Variants in TVP23A observed in about 807,000 individuals in gnomAD.
TVP23A encodes the protein trans-golgi network vesicle protein 23 homolog A.
Under a neutral mutation model 31.7 loss-of-function variants are expected in TVP23A, and 21 were observed. The ratio of observed to expected loss-of-function variants is 0.66; its 90% CI spans 0.47 to 0.95. TVP23A has a LOEUF of 0.95. TVP23A is among the 40% of genes least tolerant of loss of function. The probability of loss-of-function intolerance (pLI) is 0.00; values close to 1 mark genes in which losing one functional copy is unlikely to be tolerated. For missense variants in TVP23A, 279 were observed against 255.6 expected (o/e 1.09, Z -0.62); for synonymous variants, 104 against 96.0 (o/e 1.08, Z -0.49).
chr16:10,760,696 C>T (rs150125983), downstream of TVP23A, among the ~76,000 whole-genome samples: 22 of 152,258 alleles, frequency 1.4e-4, 1 homozygote, highest in East Asian at 4.2e-3. Flanking sequence ...ATGATTATGC[C>T]ACTGCACTCC....
At chr16:10,763,188 G>A (rs560110161), downstream of TVP23A, among the ~76,000 whole-genome samples, 1 of 152,242 alleles carries the variant, frequency 6.6e-6, no homozygotes, top group East Asian at 1.9e-4. Flanking sequence ...GGGCTCGGGG[G>A]CTCAGGTTGT....
intron 2 of TVP23A, among the ~76,000 whole-genome samples, chr16:10,792,711 T>C (rs1191065688): frequency 1.3e-5 from 2 of 152,262 alleles, no homozygotes; most frequent in Non-Finnish European, 2.9e-5. Flanking sequence ...GATCTGATTT[T>C]TCTTTTCCAG....
rs1199426867 is a variant in TVP23A at position 10,777,799 on chromosome 16, C to G, written c.90-2703G>C. On this transcript the variant is annotated intron_variant, in intron 2 of 7. Coordinates refer to ENST00000299866, the MANE Select transcript of TVP23A (RefSeq NM_001079512.4). The surrounding 1 kb of genome is among the most constrained non-coding windows in gnomAD (Gnocchi z 4.5). ...GGCTGAGGCAGGTGGATCACGAGGT[C>G]AAGAGACTGAGACCATCCCTGGCCA... 6.6e-6 allele frequency among the ~76,000 whole-genome samples: 1 copy of G among 151,656 alleles called. No individual in the cohort carries two copies. Among genetic ancestry groups the G allele is most frequent in the Non-Finnish European group, 1.5e-5 (1 of 67,934 alleles).
rs1042419733 is a variant in TVP23A at position 10,818,385 on chromosome 16, G to T, written c.9+100C>A. On this transcript the variant is annotated intron_variant, in intron 1 of 7. Transcript: ENST00000299866. This position sits in a 1 kb window ranked among gnomAD's most constrained non-coding sequence, Gnocchi z 4.7. The stretch of plus-strand genomic sequence containing the variant: ...ACCACCGGGTGCAGCCCAGCCCCAG[G>T]CCCCGGCGCATCCCTCCTCCTCCTC... 3 of 1,516,228 alleles carry T rather than the reference G, an allele frequency of 2.0e-6. No homozygotes were observed. Among genetic ancestry groups the T allele is most frequent in the Admixed American group, 1.9e-5 (1 of 52,346 alleles). The allele number at this position is 1,516,228 out of a possible 1,614,324, so 93.9% of individuals were successfully genotyped here. A position where few individuals can be genotyped will look rare whatever the true frequency, so the allele number is the denominator to read the frequency against.
At position 10,777,754 on chromosome 16, in the gene TVP23A, G is replaced by A. The variant is rs1346274777; in HGVS notation, c.90-2658C>T. Among the ~76,000 whole-genome samples the A allele has an allele frequency of 1.9e-4, 29 of 152,314 alleles. No individual in the cohort carries two copies. The South Asian group carries it at 5.2e-3, about 27-fold the overall frequency. On this transcript the variant is annotated intron_variant, in intron 2 of 7. Coordinates refer to ENST00000299866, the MANE Select transcript of TVP23A (RefSeq NM_001079512.4). The surrounding 1 kb of genome is among the most constrained non-coding windows in gnomAD (Gnocchi z 4.5). ...AAGCCGGGCGTGGTGGCTCACGCCTGTAATCCCAGCACTTTGGGAGGCTGA... is the reference window on the plus strand; with the variant it reads ...AAGCCGGGCGTGGTGGCTCACGCCTATAATCCCAGCACTTTGGGAGGCTGA...
Position 10,774,959 on chromosome 16 carries a change from G to T in TVP23A, c.227C>A (p.Ser76Tyr). 1 of 1,612,790 alleles carries T rather than the reference G, an allele frequency of 6.2e-7. No individual in the cohort carries two copies. Residue 76 changes from serine to tyrosine, a missense_variant, in exon 3 of 8, where the codon TCT becomes TAT. Ser to Tyr is a moderately radical substitution (Grantham distance 144, BLOSUM62 -2). Coordinates refer to ENST00000299866, the MANE Select transcript of TVP23A (RefSeq NM_001079512.4). Reference sequence around the variant, plus strand: ...CACACGAAAGGGCCTCACCTTCACAGACCAGAAGTCCAGGGACAGGAGGAG... The same window carrying T: ...CACACGAAAGGGCCTCACCTTCACATACCAGAAGTCCAGGGACAGGAGGAG... ...VLLLLSLDFW[S>Y]VKNVTGRLLV...
chr16:10,810,143 G>A (rs1344014796), intron 2 of TVP23A, among the ~76,000 whole-genome samples: 1 of 152,054 alleles, frequency 6.6e-6, no homozygotes, highest in Admixed American at 6.6e-5. Flanking sequence ...GCCACATATT[G>A]TACAAAACAT....
At chr16:10,817,989 C>G (rs2034514259) in intron 2 of TVP23A, 114 bp downstream of exon 2, 10 of 913,576 alleles carry the variant, frequency 1.1e-5, no homozygotes, top group Non-Finnish European at 1.7e-5. Context: ...GATATGTCCC[C>G]AGCCCCAGAC....
At position 10,768,422 on chromosome 16, in the gene TVP23A, C is replaced by G. The variant is rs2031222628; in HGVS notation, c.*680G>C. 6.1e-6 allele frequency: 1 copy of G among 162,872 alleles called. No homozygotes were observed. Among genetic ancestry groups the G allele is most frequent in the African/African-American group, 2.4e-5 (1 of 41,456 alleles). The allele number at this position is 162,872 out of a possible 1,614,324, so 10.1% of individuals were successfully genotyped here. Reference sequence around the variant, plus strand: ...AGGAGTTCAAGACCAGCCTGGCTAACATGGAGAAACACTGTCTCTACTAAA... The same window carrying G: ...AGGAGTTCAAGACCAGCCTGGCTAAGATGGAGAAACACTGTCTCTACTAAA... On this transcript the variant is annotated 3_prime_UTR_variant, in exon 8 of 8. Coordinates refer to ENST00000299866, the MANE Select transcript of TVP23A (RefSeq NM_001079512.4). This position sits in a 1 kb window ranked among gnomAD's most constrained non-coding sequence, Gnocchi z 4.3.
At chr16:10,774,607 T>TCTCTC (rs1555478769) in intron 3 of TVP23A, among the ~76,000 whole-genome samples, 55 of 88,568 alleles carry the variant, frequency 6.2e-4, no homozygotes, top group African/African-American at 9.2e-4. Context: ...ATTCTCTCTC[T>TCTCTC]TTTTTTTTTT....
chr16:10,785,197 G>A (rs2032676992), intron 2 of TVP23A, among the ~76,000 whole-genome samples: 1 of 152,050 alleles, frequency 6.6e-6, no homozygotes, highest in South Asian at 2.1e-4. Context: ...CTGAGGTCAG[G>A]AGCTCACGAC....
chr16:10,809,928 A>G (rs896094826), intron 2 of TVP23A, among the ~76,000 whole-genome samples: 4 of 152,248 alleles, frequency 2.6e-5, no homozygotes, highest in Admixed American at 6.5e-5. Context: ...AAAAGCACGT[A>G]CATAAACATT....
At chr16:10,766,091 G>T (rs62027827), downstream of TVP23A, 28,958 of 152,404 alleles carry the variant, frequency 0.19, 2,995 homozygotes, top group South Asian at 0.33. This position sits in a 1 kb window ranked among gnomAD's most constrained non-coding sequence, Gnocchi z 4.8. Flanking sequence ...CTCCTCTGGG[G>T]ACATGGTGGC....
downstream of TVP23A, among the ~76,000 whole-genome samples, chr16:10,762,802 G>A (rs939515512): frequency 3.3e-5 from 5 of 152,142 alleles, no homozygotes; most frequent in African/African-American, 1.2e-4. Flanking sequence ...AGGAGAGGGT[G>A]GGGGCCGCGT....
At chr16:10,759,516 G>A (rs538917132), downstream of TVP23A, among the ~76,000 whole-genome samples, 13 of 152,242 alleles carry the variant, frequency 8.5e-5, no homozygotes, top group Non-Finnish European at 1.9e-4. The surrounding 1 kb of genome is among the most constrained non-coding windows in gnomAD (Gnocchi z 4.7). Context: ...GCTCATGTCT[G>A]TAATCCCAGC....
At chr16:10,761,776 C>T (rs2029935872), downstream of TVP23A, 1 of 1,613,930 alleles carries the variant, frequency 6.2e-7, no homozygotes. Flanking sequence ...CAGATATTCC[C>T]TCCCACAACC....
At chr16:10,773,275 G>T in intron 5 of TVP23A, 38 bp downstream of exon 5, 1 of 1,549,250 alleles carries the variant, frequency 6.5e-7, no homozygotes, top group South Asian at 1.2e-5. Flanking sequence ...TTTTTGCAGA[G>T]ACATCAAAGC....
chr16:10,809,783 C>T (rs1034374970), intron 2 of TVP23A, among the ~76,000 whole-genome samples: 6 of 152,154 alleles, frequency 3.9e-5, no homozygotes, highest in Admixed American at 1.3e-4. Context: ...TCCTGCATCC[C>T]AAGGCAGCTG....
chr16:10,786,472 C>T (rs1175378757), intron 2 of TVP23A, among the ~76,000 whole-genome samples: 1 of 152,108 alleles, frequency 6.6e-6, no homozygotes, highest in African/African-American at 2.4e-5. Flanking sequence ...AAACTGTACT[C>T]CTTTTTTTAA....
Sources: gnomAD v4.1 joint callset for allele counts (sites outside exome capture counted in the v4.1 genomes callset) on GRCh38, gnomAD v4.1.1 for gene constraint, Gnocchi (gnomAD v3.1) non-coding constraint, MANE v1.5 for transcripts, NCBI Gene and HGNC (gene_info 2026-07-23, HGNC 2026-07-21) for gene names.